Variants in RAB28 observed in about 807,000 individuals in gnomAD.
RAB28 encodes ras-related protein Rab-28.
In RAB28, 24 loss-of-function variants were observed where a neutral mutation model predicts 31.7. The ratio of observed to expected loss-of-function variants is 0.76; its 90% CI spans 0.55 to 1.06. The LOEUF (loss-of-function observed/expected upper bound fraction) is 1.06. Ranked by LOEUF, RAB28 falls within the 50% of genes least tolerant of loss-of-function variation. The pLI is 0.00. For synonymous variants in RAB28, 100 were observed against 90.4 expected (o/e 1.11, Z -0.60); for missense variants, 254 against 258.5 (o/e 0.98, Z 0.12).
At chr4:13,452,701 G>C (rs1389054304) in intron 4 of RAB28, among the ~76,000 whole-genome samples, 1 of 151,904 alleles carries the variant, frequency 6.6e-6, no homozygotes, top group Non-Finnish European at 1.5e-5. Flanking sequence ...GTCAATCCTT[G>C]AGAAATTTCC....
At chr4:13,421,540 A>G (rs1713145614) in intron 4 of RAB28, among the ~76,000 whole-genome samples, 1 of 152,220 alleles carries the variant, frequency 6.6e-6, no homozygotes, top group South Asian at 2.1e-4. Flanking sequence ...ACAACATGGT[A>G]CTGTACCAAA....
At position 13,460,760 on chromosome 4, in the gene RAB28, C is replaced by T; in HGVS notation, c.330G>A (p.Val110=). 6.2e-7 allele frequency: 1 copy of T among 1,614,006 alleles called. No individual in the cohort carries two copies. Among genetic ancestry groups the T allele is most frequent in the Non-Finnish European group, 8.5e-7 (1 of 1,179,936 alleles). ...CTGACTCCTCGCTCACTTTCTTCAC[C>T]ACAGTATACCAATCTTCTAAATTCT... The part of the protein sequence containing the change: ...SFENLEDWYT[V]VKKVSEESET... Residue 110 remains valine, a synonymous_variant, in exon 4 of 7, where the codon GTG becomes GTA. Transcript: ENST00000330852.
At chr4:13,368,761 C>A in intron 6 of RAB28, 111 bp from the exon 7 acceptor site, 4 of 777,566 alleles carry the variant, frequency 5.1e-6, no homozygotes, top group Non-Finnish European at 5.7e-6. Context: ...TGATGGACAC[C>A]ATAAATGAAG....
intron 4 of RAB28, among the ~76,000 whole-genome samples, chr4:13,396,021 A>C (rs1729860570): frequency 6.6e-6 from 1 of 152,070 alleles, no homozygotes; most frequent in African/African-American, 2.4e-5. Flanking sequence ...CGATGGAAAA[A>C]AAAATTAAAA....
chr4:13,465,371 A>C (rs1224710323), intron 3 of RAB28, among the ~76,000 whole-genome samples: 7 of 151,862 alleles, frequency 4.6e-5, no homozygotes, highest in Non-Finnish European at 7.4e-5. Flanking sequence ...GAAAAAAAAA[A>C]CAGAGAAATC....
At chr4:13,449,068 A>G (rs1159329259) in intron 4 of RAB28, among the ~76,000 whole-genome samples, 1 of 152,024 alleles carries the variant, frequency 6.6e-6, no homozygotes, top group Non-Finnish European at 1.5e-5. Flanking sequence ...TTAGCTTAAA[A>G]TGTATAAAGA....
At chr4:13,403,753 C>A (rs1378655530) in intron 4 of RAB28, among the ~76,000 whole-genome samples, 1 of 152,028 alleles carries the variant, frequency 6.6e-6, no homozygotes, top group African/African-American at 2.4e-5. Flanking sequence ...ATATAAAAGG[C>A]AATCATGAAT....
chr4:13,467,955 A>G (rs1372205227), intron 3 of RAB28, among the ~76,000 whole-genome samples: 1 of 151,994 alleles, frequency 6.6e-6, no homozygotes, highest in Non-Finnish European at 1.5e-5. Context: ...AACATTAATG[A>G]AAAGAAAGCT....
chr4:13,392,696 C>CA (rs535300415), intron 4 of RAB28, among the ~76,000 whole-genome samples: 11 of 151,944 alleles, frequency 7.2e-5, no homozygotes, highest in Non-Finnish European at 1.0e-4. Flanking sequence ...ATTCTCACCA[C>CA]AAAAAAAGAT....
chr4:13,467,485 A>G (rs1715917429), intron 3 of RAB28, among the ~76,000 whole-genome samples: 1 of 151,986 alleles, frequency 6.6e-6, no homozygotes, highest in African/African-American at 2.4e-5. Flanking sequence ...TAGCATATAG[A>G]TAAGTGAGAT....
chr4:13,387,844 A>G (rs1466384081), intron 4 of RAB28, among the ~76,000 whole-genome samples: 1 of 152,092 alleles, frequency 6.6e-6, no homozygotes, highest in African/African-American at 2.4e-5. Context: ...ATGCCAGACA[A>G]AGTATATGTG....
chr4:13,382,679 T>C (rs553385244), intron 4 of RAB28, among the ~76,000 whole-genome samples: 1 of 148,798 alleles, frequency 6.7e-6, no homozygotes, highest in South Asian at 2.1e-4. Flanking sequence ...ATTGCTTACC[T>C]TGGAAAATAT....
chr4:13,369,127 A>T (rs899330221), intron 6 of RAB28, among the ~76,000 whole-genome samples: 28 of 152,124 alleles, frequency 1.8e-4, no homozygotes, highest in Non-Finnish European at 1.6e-4. Flanking sequence ...AGACATTTAA[A>T]TGTTAAAGAG....
intron 6 of RAB28, among the ~76,000 whole-genome samples, chr4:13,374,347 G>T (rs534736761): frequency 1.3e-5 from 2 of 152,194 alleles, no homozygotes; most frequent in Admixed American, 1.3e-4. Context: ...AGGATATTAA[G>T]CCCATATCTA....
At chr4:13,442,109 G>A (rs1714449398) in intron 4 of RAB28, among the ~76,000 whole-genome samples, 1 of 152,130 alleles carries the variant, frequency 6.6e-6, no homozygotes, top group Admixed American at 6.5e-5. Flanking sequence ...AATCCTACAT[G>A]GCTGCAAGAC....
intron 4 of RAB28, among the ~76,000 whole-genome samples, chr4:13,399,774 T>A (rs540609859): frequency 6.6e-6 from 1 of 152,312 alleles, no homozygotes; most frequent in East Asian, 1.9e-4. Flanking sequence ...TCTTGTAGAT[T>A]TGAAAAAGTA....
At chr4:13,372,520 T>C (rs957061265) in intron 6 of RAB28, among the ~76,000 whole-genome samples, 1 of 152,070 alleles carries the variant, frequency 6.6e-6, no homozygotes, top group African/African-American at 2.4e-5. Context: ...AAAAATTAAT[T>C]TAAAAGGTGA....
chr4:13,450,701 G>A (rs1268845107), intron 4 of RAB28, among the ~76,000 whole-genome samples: 3 of 151,852 alleles, frequency 2.0e-5, no homozygotes, highest in Non-Finnish European at 4.4e-5. Flanking sequence ...TGGCTTGACA[G>A]AAAGGAAGAC....
rs554103739 is a variant in RAB28, at chr4:13,397,363, G to A, written c.392-15769C>T. On this transcript the variant is annotated intron_variant, in intron 4 of 6. Coordinates refer to ENST00000330852, the MANE Select transcript of RAB28 (RefSeq NM_001017979.3). ...GCAGTTACTTCTGAAGGTAGAAGGA[G>A]ATGGATAAAGGCACCTGTTTGGTTC... Among the ~76,000 whole-genome samples the A allele has an allele frequency of 7.9e-5, 12 of 152,262 alleles. No individual in the cohort carries two copies. The East Asian group carries it at 2.3e-3, about 29-fold the overall frequency.
Sources: gnomAD v4.1 joint callset for allele counts (sites outside exome capture counted in the v4.1 genomes callset) on GRCh38, gnomAD v4.1.1 for gene constraint, MANE v1.5 for transcripts, NCBI Gene and HGNC (gene_info 2026-07-23, HGNC 2026-07-21) for gene names.